The following CMSS1 variants were observed in gnomAD, a reference collection of about 807,000 sequenced individuals.
CMSS1 encodes cms1 ribosomal small subunit homolog, also known as protein CMSS1.
CMSS1 carries 33 observed loss-of-function variants against 43.5 expected under a neutral mutation model. The observed-to-expected ratio is 0.76, with a 90% confidence interval of 0.57 to 1.01. The LOEUF (loss-of-function observed/expected upper bound fraction) is 1.01, where lower values mean the gene tolerates loss of function less well. CMSS1 is among the 50% of genes least tolerant of loss of function. The probability of loss-of-function intolerance (pLI) is 0.00; values close to 1 mark genes in which losing one functional copy is unlikely to be tolerated. For missense variants in CMSS1, 313 were observed against 326.4 expected (o/e 0.96, Z 0.32); for synonymous variants, 115 against 117.2 (o/e 0.98, Z 0.12).
chr3:99,820,219 G>A (rs969739411), intron 1 of CMSS1, among the ~76,000 whole-genome samples: 2 of 146,922 alleles, frequency 1.4e-5, no homozygotes, highest in African/African-American at 2.5e-5. Context: ...TTTTTGAGAC[G>A]AAGTCTCACT....
chr3:100,067,480 A>AGGAT (rs1357423170), intron 1 of CMSS1, among the ~76,000 whole-genome samples: 2 of 152,180 alleles, frequency 1.3e-5, no homozygotes, highest in Non-Finnish European at 2.9e-5. Flanking sequence ...TACATGATTG[A>AGGAT]GGATAGTGAG....
chr3:99,971,271 C>T (rs145240490), intron 1 of CMSS1, among the ~76,000 whole-genome samples: 68 of 147,792 alleles, frequency 4.6e-4, no homozygotes, highest in African/African-American at 1.5e-3. Flanking sequence ...ACCCGGGGCG[C>T]GGAGCTTGCA....
chr3:99,845,996 G>A (rs1431020404), intron 1 of CMSS1, among the ~76,000 whole-genome samples: 2 of 152,266 alleles, frequency 1.3e-5, no homozygotes, highest in African/African-American at 4.8e-5. Context: ...TATCATAATA[G>A]AACACAAGAC....
chr3:100,157,212 T>G (rs1461179173), intron 2 of CMSS1, among the ~76,000 whole-genome samples: 1 of 152,220 alleles, frequency 6.6e-6, no homozygotes, highest in Non-Finnish European at 1.5e-5. Flanking sequence ...CTTCCTCGTT[T>G]ATTTTTATTC....
At chr3:99,973,350 T>C (rs1021537328) in intron 1 of CMSS1, among the ~76,000 whole-genome samples, 4 of 152,230 alleles carry the variant, frequency 2.6e-5, no homozygotes, top group African/African-American at 9.6e-5. Flanking sequence ...TTGCAAAAAC[T>C]GGTATGTTTT....
chr3:99,851,670 T>C (rs1027895936), intron 1 of CMSS1, among the ~76,000 whole-genome samples: 4 of 152,238 alleles, frequency 2.6e-5, no homozygotes, highest in Non-Finnish European at 5.9e-5. Flanking sequence ...ATGGCTTGCT[T>C]GAACCAAAGT....
At chr3:100,066,685 C>T (rs1264494112) in intron 1 of CMSS1, among the ~76,000 whole-genome samples, 1 of 132,034 alleles carries the variant, frequency 7.6e-6, no homozygotes, top group African/African-American at 2.7e-5. Context: ...GCGCCCGCCA[C>T]TACGCCCGGC....
chr3:99,973,404 A>G (rs181856352), intron 1 of CMSS1, among the ~76,000 whole-genome samples: 27 of 152,348 alleles, frequency 1.8e-4, no homozygotes, highest in African/African-American at 4.3e-4. Context: ...CATTAATTCA[A>G]TCCTCTTCTA....
In CMSS1 at chr3:100,069,668, G is replaced by C. The variant is rs143594926; in HGVS notation, c.65-77305G>C. Reference sequence around the variant, plus strand: ...CAGACATTAATAGTTTCCTGGCATTGCCTATCAGGAAATGTCGTCATGGTC... The same window carrying C: ...CAGACATTAATAGTTTCCTGGCATTCCCTATCAGGAAATGTCGTCATGGTC... On this transcript the variant is annotated intron_variant, in intron 1 of 9. Coordinates refer to ENST00000421999, the MANE Select transcript of CMSS1 (RefSeq NM_032359.4). Among the ~76,000 whole-genome samples, 705 of 152,244 alleles carry C rather than the reference G, an allele frequency of 4.6e-3. 2 individuals are homozygous for C. The highest frequency in any genetic ancestry group is 7.1e-3 in the South Asian group (34 of 4,822).
intron 1 of CMSS1, among the ~76,000 whole-genome samples, chr3:99,862,403 T>C (rs1944309135): frequency 6.6e-6 from 1 of 152,218 alleles, no homozygotes; most frequent in Non-Finnish European, 1.5e-5. Flanking sequence ...TATTGCGATC[T>C]ATTTTAAGGC....
chr3:100,098,973 G>A (rs575426976), intron 1 of CMSS1, among the ~76,000 whole-genome samples: 1 of 152,320 alleles, frequency 6.6e-6, no homozygotes, highest in South Asian at 2.1e-4. Context: ...CCATGCATGG[G>A]ATGTGGAGTA....
At chr3:100,148,298 C>T (rs187695834) in intron 2 of CMSS1, among the ~76,000 whole-genome samples, 2 of 152,062 alleles carry the variant, frequency 1.3e-5, no homozygotes, top group East Asian at 1.9e-4. Context: ...AGGCTGGTCT[C>T]GAACTTCTGG....
chr3:100,023,750 A>G (rs915062940), intron 1 of CMSS1, among the ~76,000 whole-genome samples: 1 of 152,164 alleles, frequency 6.6e-6, no homozygotes. Flanking sequence ...CGCCATTGCA[A>G]ACTAGTATTT....
chr3:100,085,492 C>T (rs904072908), intron 1 of CMSS1, among the ~76,000 whole-genome samples: 1 of 152,190 alleles, frequency 6.6e-6, no homozygotes, highest in Non-Finnish European at 1.5e-5. Context: ...ATCCAAAGTT[C>T]CTTTGCTTTT....
At chr3:99,906,131 T>C (rs1706608474) in intron 1 of CMSS1, among the ~76,000 whole-genome samples, 1 of 152,048 alleles carries the variant, frequency 6.6e-6, no homozygotes, top group Non-Finnish European at 1.5e-5. Flanking sequence ...GAGGCAGAGG[T>C]TGCAGTGAGC....
At chr3:100,013,221 T>C (rs1260850901) in intron 1 of CMSS1, among the ~76,000 whole-genome samples, 1 of 146,618 alleles carries the variant, frequency 6.8e-6, no homozygotes. Context: ...GAGGTGTTGT[T>C]GTTGTTGTTG....
intron 1 of CMSS1, among the ~76,000 whole-genome samples, chr3:100,133,324 C>A (rs192425264): frequency 6.6e-6 from 1 of 152,172 alleles, no homozygotes; most frequent in East Asian, 1.9e-4. Flanking sequence ...TAATTCCAGA[C>A]ATGTAAAGCT....
intron 2 of CMSS1, among the ~76,000 whole-genome samples, chr3:100,156,658 C>T (rs1221595637): frequency 3.3e-5 from 5 of 151,520 alleles, no homozygotes; most frequent in African/African-American, 1.2e-4. Flanking sequence ...CTCTGTCGCC[C>T]GGGCTGGCGT....
intron 1 of CMSS1, among the ~76,000 whole-genome samples, chr3:99,972,267 A>G (rs1045032028): frequency 6.6e-6 from 1 of 152,204 alleles, no homozygotes; most frequent in African/African-American, 2.4e-5. Context: ...AACTTGACCC[A>G]ATAGAGTACC....
Sources: allele counts gnomAD v4.1 joint callset (sites outside exome capture counted in the v4.1 genomes callset), GRCh38; gene constraint gnomAD v4.1.1; transcripts MANE v1.5; gene names NCBI Gene and HGNC (gene_info 2026-07-23, HGNC 2026-07-21).